Variants in PPFIBP2 observed in about 807,000 individuals in gnomAD.
The protein encoded by PPFIBP2 is liprin-beta-2.
PPFIBP2 carries 118 observed loss-of-function variants against 118.3 expected under a neutral mutation model. That is an observed-to-expected ratio of 1.00 (90% CI 0.86 to 1.16). The LOEUF is 1.16. PPFIBP2 is among the 50% of genes most tolerant of loss of function. The pLI is 0.00. For synonymous variants in PPFIBP2, 414 were observed against 397.4 expected, an observed-to-expected ratio of 1.04 and a Z score of -0.50; for missense variants, 1,195 against 1,073.1, an observed-to-expected ratio of 1.11 and a Z score of -1.59.
rs551616711 is a variant in PPFIBP2, at chr11:7,517,176, G to A, written c.-37+3055G>A. On this transcript the variant is annotated intron_variant, in intron 1 of 23. Coordinates refer to ENST00000299492, the MANE Select transcript of PPFIBP2 (RefSeq NM_003621.5). The stretch of plus-strand genomic sequence containing the variant: ...GGGAGAAAAAGTGATGAAGATTACT[G>A]TCCCTACCAGGGTTTTAAATCCTCC... Among the ~76,000 whole-genome samples the A allele has an allele frequency of 5.9e-5, 9 of 152,234 alleles. No homozygotes were observed. The South Asian group carries it at 6.2e-4, about 11-fold the overall frequency.
At chr11:7,559,759 T>C (rs1854085435) in intron 2 of PPFIBP2, among the ~76,000 whole-genome samples, 1 of 152,166 alleles carries the variant, frequency 6.6e-6, no homozygotes, top group African/African-American at 2.4e-5. Context: ...CTGCTTTCAC[T>C]GGAGGCATTA....
rs560928946 is a variant in PPFIBP2, at chr11:7,641,772, C to T, written c.1517+152C>T. The T allele has an allele frequency of 4.8e-6, 4 of 829,356 alleles. 1 individual carries two copies. The highest frequency in any genetic ancestry group is 3.5e-5 in the African/African-American group (2 of 57,850). 51.4% of individuals were successfully genotyped at this position (829,356 alleles called of 1,614,324 possible). On this transcript the variant is annotated intron_variant, in intron 16 of 23. Coordinates refer to ENST00000299492, the MANE Select transcript of PPFIBP2 (RefSeq NM_003621.5). ...AAAGAGAAGAATCTGAGATATTTTCCAGGGCCAAGAGAAGGAGAAGTATGA... is the reference window on the plus strand; with the variant it reads ...AAAGAGAAGAATCTGAGATATTTTCTAGGGCCAAGAGAAGGAGAAGTATGA...
In PPFIBP2 at chr11:7,565,645, CTCA is replaced by C; in HGVS notation, c.160_162del (p.Ile54del). 1 of 1,614,226 alleles carries C rather than the reference CTCA, an allele frequency of 6.2e-7. No homozygotes were observed. Among genetic ancestry groups the C allele is most frequent in the Non-Finnish European group, 8.5e-7 (1 of 1,180,032 alleles). ...CATGAACCCCTTCCCGGTGCTCCAT[CTCA>C]TCGAGGACTTGAGGCTGGCCTTGGA... On this transcript the variant is annotated inframe_deletion, in exon 3 of 24. Coordinates refer to ENST00000299492, the MANE Select transcript of PPFIBP2 (RefSeq NM_003621.5).
At chr11:7,638,593 A>C (rs949518917) in intron 14 of PPFIBP2, among the ~76,000 whole-genome samples, 1 of 152,260 alleles carries the variant, frequency 6.6e-6, no homozygotes, top group Non-Finnish European at 1.5e-5. Flanking sequence ...TCTCAGTCAC[A>C]GCAGCCTTCC....
chr11:7,535,785 C>T (rs1213978879), intron 1 of PPFIBP2, among the ~76,000 whole-genome samples: 1 of 152,144 alleles, frequency 6.6e-6, no homozygotes, highest in Non-Finnish European at 1.5e-5. Context: ...TTCTGAATAC[C>T]TGAACACAGT....
intron 5 of PPFIBP2, among the ~76,000 whole-genome samples, chr11:7,599,037 GT>G (rs1489164133): frequency 2.0e-5 from 3 of 151,140 alleles, no homozygotes; most frequent in African/African-American, 7.3e-5. Context: ...TTCTACTTAG[GT>G]TGTGTGCCAT....
Position 7,651,706 on chromosome 11 carries a change from C to A in PPFIBP2, c.2298C>A (p.Ile766=). Residue 766 remains isoleucine (I), a synonymous_variant, in exon 23 of 24, where the codon ATC becomes ATA. Transcript: ENST00000299492. ...ACACCCTGGCTATGCTTCTCAACAT[C>A]CCCCCACAAAAGACGCTCCTCAGGC... ...TGDTLAMLLN[I]PPQKTLLRRH... 2 of 1,613,536 alleles carry A rather than the reference C, an allele frequency of 1.2e-6. No individual in the cohort carries two copies. The highest frequency in any genetic ancestry group is 1.7e-6 in the Non-Finnish European group (2 of 1,179,496).
Position 7,653,211 on chromosome 11 carries a change from T to G in PPFIBP2, c.2624T>G (p.Ile875Ser). The G allele has an allele frequency of 6.2e-7, 1 of 1,614,100 alleles. No homozygotes were observed. Residue 875 changes from isoleucine to serine, a missense_variant, in exon 24 of 24, where the codon ATT (isoleucine) becomes AGT (serine). Ile to Ser is a moderately radical substitution (Grantham distance 142). Transcript: ENST00000299492. ...ELDGLDQVGQ[I>S]S The stretch of plus-strand genomic sequence containing the variant: ...GATGGGCTGGACCAGGTGGGACAGA[T>G]TAGCTGATGCCCTTGTCACCTGCCC...
chr11:7,528,145 A>G (rs1850386203), intron 1 of PPFIBP2, among the ~76,000 whole-genome samples: 1 of 152,178 alleles, frequency 6.6e-6, no homozygotes, highest in Non-Finnish European at 1.5e-5. Context: ...TCTTAAATTT[A>G]CAGTGAAGAC....
At chr11:7,645,794 C>G (rs577653642) in intron 17 of PPFIBP2, among the ~76,000 whole-genome samples, 4 of 151,976 alleles carry the variant, frequency 2.6e-5, no homozygotes, top group Non-Finnish European at 5.9e-5. Context: ...ACTTATTTCC[C>G]CTTTAGAGCT....
chr11:7,543,154 G>A (rs1358211184), intron 1 of PPFIBP2, among the ~76,000 whole-genome samples: 1 of 152,168 alleles, frequency 6.6e-6, no homozygotes, highest in African/African-American at 2.4e-5. Context: ...ATTTTTGGAT[G>A]CTCCAAATGG....
intron 1 of PPFIBP2, among the ~76,000 whole-genome samples, chr11:7,535,817 G>T (rs751773815): frequency 6.6e-6 from 1 of 152,200 alleles, no homozygotes; most frequent in Non-Finnish European, 1.5e-5. Flanking sequence ...GAGTGGAAAG[G>T]ATGAGATGGA....
intron 1 of PPFIBP2, among the ~76,000 whole-genome samples, chr11:7,535,842 C>G (rs1851159435): frequency 6.6e-6 from 1 of 152,062 alleles, no homozygotes; most frequent in Non-Finnish European, 1.5e-5. Flanking sequence ...AGCATCCCTG[C>G]AAGGGGAGAC....
At chr11:7,600,321 C>A (rs896517848) in intron 5 of PPFIBP2, among the ~76,000 whole-genome samples, 1 of 152,200 alleles carries the variant, frequency 6.6e-6, no homozygotes, top group Non-Finnish European at 1.5e-5. Flanking sequence ...GTTGAATGTT[C>A]GGCCGCACAT....
At chr11:7,592,681 C>A (rs1037799392) in intron 3 of PPFIBP2, among the ~76,000 whole-genome samples, 5 of 152,126 alleles carry the variant, frequency 3.3e-5, no homozygotes, top group Admixed American at 2.6e-4. Flanking sequence ...TTCAGGGGAC[C>A]CTGGCATGAG....
intron 7 of PPFIBP2, among the ~76,000 whole-genome samples, chr11:7,623,473 C>G (rs1363346329): frequency 6.6e-6 from 1 of 152,192 alleles, no homozygotes; most frequent in Non-Finnish European, 1.5e-5. Context: ...AGACAGAGAT[C>G]GCTCAAAGGA....
chr11:7,556,655 T>C (rs1013621220), intron 2 of PPFIBP2, among the ~76,000 whole-genome samples: 2 of 152,256 alleles, frequency 1.3e-5, no homozygotes, highest in Admixed American at 6.5e-5. Flanking sequence ...ATGATAGTTT[T>C]CTTCCTTAAA....
downstream of PPFIBP2, among the ~76,000 whole-genome samples, chr11:7,662,004 A>C (rs1854899149): frequency 7.3e-6 from 1 of 137,548 alleles, no homozygotes; most frequent in African/African-American, 2.7e-5. Context: ...TGCTTGGTAG[A>C]TCTTCCTCCA....
intron 3 of PPFIBP2, among the ~76,000 whole-genome samples, chr11:7,588,279 C>T (rs1858581078): frequency 6.6e-6 from 1 of 152,092 alleles, no homozygotes; most frequent in Admixed American, 6.5e-5. Context: ...CTTAACTATC[C>T]CTGCTGGAAT....
Sources: allele counts gnomAD v4.1 joint callset (sites outside exome capture counted in the v4.1 genomes callset), GRCh38; gene constraint gnomAD v4.1.1; transcripts MANE v1.5; gene names NCBI Gene and HGNC (gene_info 2026-07-23, HGNC 2026-07-21).